The following LOC400499 variants were observed in gnomAD, a reference collection of about 807,000 sequenced individuals.
the LOC400499 span, among the ~76,000 whole-genome samples, chr16:11,400,529 C>T: frequency 2.0e-5 from 3 of 152,062 alleles, no homozygotes; most frequent in South Asian, 4.2e-4. Context: ...CAACCTCCAC[C>T]TCCAGGGCTC....
the LOC400499 span, chr16:11,401,147 T>G: frequency 2.5e-6 from 1 of 397,866 alleles, no homozygotes; most frequent in Non-Finnish European, 4.4e-6. Context: ...TCCGGAGAAG[T>G]CTTTGTCACT....
the LOC400499 span, among the ~76,000 whole-genome samples, chr16:11,518,240 G>A: frequency 6.6e-6 from 1 of 152,188 alleles, no homozygotes; most frequent in Non-Finnish European, 1.5e-5. Flanking sequence ...CTAGACAAAG[G>A]CTTTCTTTCT....
At chr16:11,456,323 C>T in the LOC400499 span, among the ~76,000 whole-genome samples, 1 of 152,212 alleles carries the variant, frequency 6.6e-6, no homozygotes, top group Non-Finnish European at 1.5e-5. Context: ...ACTAGGATTA[C>T]AGGCGTGAGC....
At chr16:11,487,249 G>T in the LOC400499 span, 1 of 398,792 alleles carries the variant, frequency 2.5e-6, no homozygotes, top group Non-Finnish European at 4.4e-6. Context: ...CTATAGCAAG[G>T]CTCCCCTCTA....
At chr16:11,496,100 CTT>C in the LOC400499 span, among the ~76,000 whole-genome samples, 1 of 148,630 alleles carries the variant, frequency 6.7e-6, no homozygotes. Context: ...GAGTCTTGCT[CTT>C]GTCACCCAGG....
At chr16:11,424,065 A>T in the LOC400499 span, 3 of 399,012 alleles carry the variant, frequency 7.5e-6, no homozygotes, top group Non-Finnish European at 1.3e-5. Flanking sequence ...CCTGGGACCC[A>T]CTGGCCCCCG....
chr16:11,399,833 G>A, the LOC400499 span: 4 of 398,872 alleles, frequency 1.0e-5, no homozygotes, highest in South Asian at 5.1e-4. Context: ...GGGATGGGAG[G>A]GCAGTGGTGG....
chr16:11,438,848 A>G, the LOC400499 span, among the ~76,000 whole-genome samples: 1 of 152,122 alleles, frequency 6.6e-6, no homozygotes, highest in African/African-American at 2.4e-5. Flanking sequence ...TAATCTTAGC[A>G]CTTTGGAAGG....
At chr16:11,394,430 C>G in the LOC400499 span, among the ~76,000 whole-genome samples, 1 of 152,212 alleles carries the variant, frequency 6.6e-6, no homozygotes, top group Non-Finnish European at 1.5e-5. Flanking sequence ...AAGGGTGTCA[C>G]CCTCTCTGGG....
the LOC400499 span, among the ~76,000 whole-genome samples, chr16:11,413,805 C>T: frequency 2.6e-5 from 4 of 152,350 alleles, no homozygotes; most frequent in African/African-American, 4.8e-5. Context: ...TCGATCCTCA[C>T]AACCTCCACA....
the LOC400499 span, chr16:11,391,871 G>T: frequency 8.3e-7 from 1 of 1,208,146 alleles, no homozygotes; most frequent in Non-Finnish European, 1.0e-6. Flanking sequence ...CCTGGACAGG[G>T]AAACCGAGGC....
the LOC400499 span, among the ~76,000 whole-genome samples, chr16:11,395,277 G>C: frequency 3.8e-3 from 580 of 152,318 alleles, 5 homozygotes; most frequent in African/African-American, 0.013. Context: ...GGGTGAGCAA[G>C]AAACAAGGCT....
the LOC400499 span, among the ~76,000 whole-genome samples, chr16:11,407,967 G>GCT: frequency 1.3e-3 from 183 of 136,404 alleles, 1 homozygote; most frequent in African/African-American, 4.6e-3. Context: ...ATGTTCCAGA[G>GCT]CTGTTTTTTT....
the LOC400499 span, among the ~76,000 whole-genome samples, chr16:11,452,962 T>A: frequency 6.6e-6 from 1 of 152,236 alleles, no homozygotes; most frequent in Admixed American, 6.5e-5. Context: ...TTTCCTTTTT[T>A]ACTTCCTGAG....
the LOC400499 span, chr16:11,465,342 G>C: frequency 2.0e-5 from 3 of 152,090 alleles, no homozygotes; most frequent in Admixed American, 6.6e-5. Context: ...GGCCAGGCTG[G>C]TCCCAAATTC....
the LOC400499 span, chr16:11,523,276 A>G: frequency 2.5e-6 from 1 of 397,230 alleles, no homozygotes. Context: ...TGGTCCTCCC[A>G]ACTGGTATCT....
At chr16:11,475,426 C>A in the LOC400499 span, among the ~76,000 whole-genome samples, 1 of 152,212 alleles carries the variant, frequency 6.6e-6, no homozygotes, top group Non-Finnish European at 1.5e-5. Flanking sequence ...ATTTGTGTTC[C>A]TTTATTTCCA....
At chr16:11,385,126 G>C in the LOC400499 span, 3 of 1,231,296 alleles carry the variant, frequency 2.4e-6, no homozygotes, top group Non-Finnish European at 3.0e-6. Context: ...AAGCTTGAAA[G>C]TGCCATCCCC....
At chr16:11,487,993 T>C in the LOC400499 span, among the ~76,000 whole-genome samples, 3 of 151,892 alleles carry the variant, frequency 2.0e-5, no homozygotes, top group African/African-American at 7.3e-5. Flanking sequence ...GGTGCGCGCC[T>C]GTAGTCCCAG....
Sources: gnomAD v4.1 joint callset for allele counts (sites outside exome capture counted in the v4.1 genomes callset) on GRCh38, gnomAD v4.1.1 for gene constraint, MANE v1.5 for transcripts.